The following MTAP variants were observed in gnomAD, a reference collection of about 807,000 sequenced individuals.
MTAP encodes S-methyl-5'-thioadenosine phosphorylase.
MTAP carries 33 observed loss-of-function variants against 33.6 expected under a neutral mutation model. The ratio of observed to expected loss-of-function variants is 0.98; its 90% CI spans 0.74 to 1.31. MTAP has a LOEUF of 1.31. Ranked by LOEUF, MTAP falls within the 40% of genes most tolerant of loss-of-function variation. The pLI is 0.00. For missense variants in MTAP, 367 were observed against 360.0 expected (o/e 1.02, Z -0.16); for synonymous variants, 148 against 125.7 (o/e 1.18, Z -1.19).
At chr9:21,907,993 G>C (rs944496698) in intron 1 of MTAP, among the ~76,000 whole-genome samples, 1 of 151,958 alleles carries the variant, frequency 6.6e-6, no homozygotes, top group Non-Finnish European at 1.5e-5. Flanking sequence ...AGAAAAAAAA[G>C]GAAAAGAAAA....
At chr9:21,873,612 C>CG (rs1297676003) in intron 1 of MTAP, among the ~76,000 whole-genome samples, 1 of 103,118 alleles carries the variant, frequency 9.7e-6, no homozygotes, top group African/African-American at 4.1e-5. Flanking sequence ...CCACCCCCGC[C>CG]CCCCACCCCA....
intron 1 of MTAP, among the ~76,000 whole-genome samples, chr9:21,810,370 A>G (rs1824315296): frequency 6.6e-6 from 1 of 152,196 alleles, no homozygotes; most frequent in African/African-American, 2.4e-5. Context: ...ATTTATAAAG[A>G]GAAGAGGTTT....
At chr9:21,899,738 C>G (rs1818358715) in intron 1 of MTAP, among the ~76,000 whole-genome samples, 1 of 152,124 alleles carries the variant, frequency 6.6e-6, no homozygotes, top group South Asian at 2.1e-4. Flanking sequence ...TGGTCCCGCC[C>G]TTGACACGTG....
chr9:21,931,643 G>T (rs4977570), downstream of MTAP: 32,097 of 152,888 alleles, frequency 0.21, 3,900 homozygotes, highest in East Asian at 0.49. Flanking sequence ...TGGACAGCCT[G>T]CCCCAAGGAA....
intron 1 of MTAP, among the ~76,000 whole-genome samples, chr9:21,903,540 C>CT (rs904864361): frequency 6.6e-6 from 1 of 152,092 alleles, no homozygotes; most frequent in Non-Finnish European, 1.5e-5. Flanking sequence ...CTCTGGGGGT[C>CT]TTGCTCTGTT....
At chr9:21,912,787 A>G (rs956621829) in intron 1 of MTAP, among the ~76,000 whole-genome samples, 5 of 152,224 alleles carry the variant, frequency 3.3e-5, no homozygotes, top group East Asian at 3.8e-4. Context: ...GGCCAGGGCA[A>G]TCAGGCAGGA....
In MTAP at chr9:21,907,654, AAAT is replaced by A. The variant is rs752085421; in HGVS notation, c.148-23349_148-23347del. On this transcript the variant is annotated intron_variant, in intron 1 of 1. Coordinates refer to the MTAP transcript ENST00000577563. ...AAATTTCAGGGATATCCTTTCTCAT[AAAT>A]AATACCTGTGTGGGTGTTTTTTTTT... is the stretch of plus-strand genomic sequence containing the variant. 2.6e-5 allele frequency among the ~76,000 whole-genome samples: 4 copies of A among 151,058 alleles called. No individual in the cohort carries two copies. In the South Asian group the frequency reaches 6.3e-4, roughly 24 times the overall value.
At chr9:21,858,849 C>A (rs138999006) in intron 6 of MTAP, 2 of 152,948 alleles carry the variant, frequency 1.3e-5, no homozygotes, top group African/African-American at 4.8e-5. Flanking sequence ...ACAGACTTCA[C>A]AAGTCAGGTT....
exon 2 of MTAP, chr9:21,931,072 T>G (rs1199959867): frequency 1.3e-6 from 1 of 764,280 alleles, no homozygotes; most frequent in Admixed American, 1.7e-5. Context: ...GAGTCACCCT[T>G]CTACAGAGGA....
intron 1 of MTAP, among the ~76,000 whole-genome samples, chr9:21,888,862 A>G (rs1275162239): frequency 6.6e-6 from 1 of 152,142 alleles, no homozygotes; most frequent in Non-Finnish European, 1.5e-5. Context: ...AGTCAATATG[A>G]TGGAAATAAT....
chr9:21,862,138 A>T lies in MTAP; in HGVS notation c.*124A>T. The T allele has an allele frequency of 6.4e-7, 1 of 1,554,706 alleles. No homozygotes were observed. The highest frequency in any genetic ancestry group is 8.7e-7 in the Non-Finnish European group (1 of 1,153,450). ...TTCATGCCCTTGCCTATCAAAGAGT[A>T]TGTTGTAAGAAAGACAAGACATTGT... On this transcript the variant is annotated 3_prime_UTR_variant, in exon 8 of 8. Coordinates refer to ENST00000644715, the MANE Select transcript of MTAP (RefSeq NM_002451.4).
rs568585119 is a variant in MTAP at position 21,879,130 on chromosome 9, G to A, written c.147+24260G>A. ...ATGTTTGTTAATTTTCTTCCTTGAT[G>A]TTCTAATACTGTCAGTGGAGTGCTG... On this transcript the variant is annotated intron_variant, in intron 1 of 1. Coordinates refer to the MTAP transcript ENST00000577563. 1.3e-4 allele frequency among the ~76,000 whole-genome samples: 20 copies of A among 152,122 alleles called. No individual in the cohort carries two copies. The East Asian group carries it at 3.5e-3, about 26-fold the overall frequency.
At chr9:21,923,655 A>G (rs1013188209) in intron 1 of MTAP, among the ~76,000 whole-genome samples, 5 of 152,164 alleles carry the variant, frequency 3.3e-5, no homozygotes, top group Non-Finnish European at 7.4e-5. Context: ...CTCTAATACA[A>G]AATTTTCTCC....
intron 5 of MTAP, among the ~76,000 whole-genome samples, chr9:21,844,237 T>A (rs756217523): frequency 2.0e-5 from 3 of 152,086 alleles, no homozygotes; most frequent in Non-Finnish European, 4.4e-5. Context: ...ACAGTAATTT[T>A]AAAAAATTGC....
At chr9:21,850,464 G>T (rs922103895) in intron 5 of MTAP, among the ~76,000 whole-genome samples, 17 of 152,174 alleles carry the variant, frequency 1.1e-4, no homozygotes, top group African/African-American at 4.1e-4. Context: ...AGAAGGCTCT[G>T]CAACAGTTCC....
intron 5 of MTAP, among the ~76,000 whole-genome samples, chr9:21,840,711 G>A (rs1825221394): frequency 6.6e-6 from 1 of 152,196 alleles, no homozygotes; most frequent in Non-Finnish European, 1.5e-5. Flanking sequence ...GCTCCCAAAT[G>A]AAATCAGTAG....
intron 1 of MTAP, among the ~76,000 whole-genome samples, chr9:21,872,812 C>T (rs1023136672): frequency 1.3e-5 from 2 of 152,102 alleles, no homozygotes; most frequent in African/African-American, 4.8e-5. Context: ...GACCTTTCAA[C>T]TTTTTCATGC....
At position 21,930,777 on chromosome 9, in the gene MTAP, G is replaced by A. The variant is rs140938497; in HGVS notation, c.148-231G>A. ...TTTAGATGAAAAATGTTGCTTTTGG[G>A]TAAATCAATCAGTAAAAGTACAAAA... is the stretch of plus-strand genomic sequence containing the variant. On this transcript the variant is annotated intron_variant, in intron 1 of 1. Transcript: ENST00000577563. 14 of 719,646 alleles carry A rather than the reference G, an allele frequency of 1.9e-5. No homozygotes were observed. The African/African-American group carries it at 2.2e-4, about 11-fold the overall frequency. 44.6% of individuals were successfully genotyped at this position (719,646 alleles called of 1,614,324 possible).
chr9:21,914,847 T>C (rs1302124582), intron 1 of MTAP, among the ~76,000 whole-genome samples: 1 of 149,308 alleles, frequency 6.7e-6, no homozygotes, highest in Non-Finnish European at 1.5e-5. Context: ...GTAAATAAAA[T>C]GGAAAAATAG....
Sources: allele counts gnomAD v4.1 joint callset (sites outside exome capture counted in the v4.1 genomes callset), GRCh38; gene constraint gnomAD v4.1.1; transcripts MANE v1.5; gene names NCBI Gene and HGNC (gene_info 2026-07-23, HGNC 2026-07-21).